Variants in PTPRT observed in about 807,000 individuals in gnomAD.
PTPRT encodes the protein receptor-type tyrosine-protein phosphatase T.
A neutral mutation model predicts 176.8 loss-of-function variants in PTPRT; 56 were observed. The observed-to-expected ratio is 0.32, with a 90% CI of 0.26 to 0.40. PTPRT has a LOEUF of 0.40. Among genes scored for constraint, PTPRT ranks in the 10% least tolerant of loss-of-function variants. The pLI is 1.00. For missense variants in PTPRT, 1,540 were observed against 1,908.2 expected, an observed-to-expected ratio of 0.81 and a Z score of 3.60; for synonymous variants, 783 against 739.0, an observed-to-expected ratio of 1.06 and a Z score of -0.96.
chr20:42,320,022 G>A (rs1187095751), intron 11 of PTPRT, among the ~76,000 whole-genome samples: 1 of 152,124 alleles, frequency 6.6e-6, no homozygotes, highest in Non-Finnish European at 1.5e-5. Context: ...TTCTCCTCTT[G>A]TGACACCCTC....
intron 1 of PTPRT, among the ~76,000 whole-genome samples, chr20:42,944,622 G>A (rs960762924): frequency 2.6e-5 from 4 of 152,092 alleles, no homozygotes; most frequent in African/African-American, 7.2e-5. Flanking sequence ...GCCTTTGCAC[G>A]TGCTATGCCC....
chr20:42,115,960 C>T (rs1468482085), intron 21 of PTPRT: 3 of 705,294 alleles, frequency 4.3e-6, no homozygotes, highest in South Asian at 3.0e-5. Flanking sequence ...AAGCCATTCC[C>T]CAGTCGACTG....
intron 18 of PTPRT, among the ~76,000 whole-genome samples, chr20:42,135,751 C>A (rs1988342547): frequency 6.6e-6 from 1 of 152,050 alleles, no homozygotes; most frequent in Admixed American, 6.6e-5. Context: ...CTCACAGTAA[C>A]CCTGTGAGGT....
intron 23 of PTPRT, 36 bp from the exon 24 acceptor site, chr20:42,106,957 A>C (rs1165977135): frequency 1.2e-6 from 2 of 1,604,580 alleles, no homozygotes; most frequent in African/African-American, 1.3e-5. Context: ...AAGGATCTTC[A>C]TGGGGGGAAC....
At chr20:42,506,081 T>C (rs146486789) in intron 7 of PTPRT, among the ~76,000 whole-genome samples, 6 of 152,126 alleles carry the variant, frequency 3.9e-5, no homozygotes, top group Admixed American at 6.5e-5. Flanking sequence ...CCAGGCTCAA[T>C]GGGAAGAACA....
intron 9 of PTPRT, among the ~76,000 whole-genome samples, chr20:42,408,543 T>G (rs2058982618): frequency 6.6e-6 from 1 of 151,766 alleles, no homozygotes; most frequent in Non-Finnish European, 1.5e-5. Flanking sequence ...TGAAGAATGA[T>G]CACTTCAAAA....
Position 42,312,295 on chromosome 20 carries a change from C to T in PTPRT, c.2139+3428G>A, listed in dbSNP as rs762050787. 1.4e-4 allele frequency among the ~76,000 whole-genome samples: 22 copies of T among 152,210 alleles called. 1 individual carries two copies. The highest frequency in any genetic ancestry group is 1.0e-3 in the Admixed American group (16 of 15,288). On this transcript the variant is annotated intron_variant, in intron 12 of 30. Coordinates refer to ENST00000373187, the MANE Select transcript of PTPRT (RefSeq NM_007050.6). Reference sequence around the variant, plus strand: ...AATGGCTTTCTGATGTATTTGCACACGAACAACAACTTGGCTGATAAAGAA... The same window carrying T: ...AATGGCTTTCTGATGTATTTGCACATGAACAACAACTTGGCTGATAAAGAA...
intron 7 of PTPRT, among the ~76,000 whole-genome samples, chr20:42,481,805 C>CAT (rs2071390856): frequency 7.4e-6 from 1 of 135,988 alleles, no homozygotes; most frequent in Admixed American, 7.3e-5. Flanking sequence ...CACACACACA[C>CAT]GCGCGCATGT....
Position 42,625,979 on chromosome 20 carries a change from T to G in PTPRT, c.1153+51887A>C, listed in dbSNP as rs1024805469. On this transcript the variant is annotated intron_variant, in intron 7 of 30. Coordinates refer to ENST00000373187, the MANE Select transcript of PTPRT (RefSeq NM_007050.6). ...ATGGAACTTTTCATCAAAATCAGAA[T>G]GGATGCCAGCAATCCATCCAAAACC... 3.8e-5 allele frequency among the ~76,000 whole-genome samples: 5 copies of G among 132,836 alleles called. No individual in the cohort carries two copies. In the South Asian group the frequency reaches 1.2e-3, roughly 32 times the overall value. 87.1% of individuals were successfully genotyped at this position (132,836 alleles called of 152,430 possible).
chr20:43,134,033 C>G (rs537149346), intron 1 of PTPRT, among the ~76,000 whole-genome samples: 9 of 152,146 alleles, frequency 5.9e-5, no homozygotes, highest in Non-Finnish European at 1.3e-4. Context: ...CCTGAACTTA[C>G]GGATCAGTCT....
intron 1 of PTPRT, among the ~76,000 whole-genome samples, chr20:43,082,813 GA>G (rs1379184243): frequency 1.3e-5 from 2 of 151,910 alleles, no homozygotes; most frequent in African/African-American, 4.8e-5. Context: ...CCTCTCTCAG[GA>G]AACAACTATC....
At chr20:42,918,758 G>C (rs1303483605) in intron 1 of PTPRT, among the ~76,000 whole-genome samples, 2 of 152,174 alleles carry the variant, frequency 1.3e-5, no homozygotes, top group East Asian at 3.9e-4. Flanking sequence ...GCTGCAATCA[G>C]GGGTCAGACA....
At chr20:42,632,262 G>A (rs368051231) in intron 7 of PTPRT, among the ~76,000 whole-genome samples, 68 of 152,140 alleles carry the variant, frequency 4.5e-4, no homozygotes, top group African/African-American at 1.4e-3. Flanking sequence ...TTTTTGAGAC[G>A]GAGTCTCACT....
intron 1 of PTPRT, among the ~76,000 whole-genome samples, chr20:43,111,734 GA>G (rs534679692): frequency 4.6e-5 from 7 of 151,702 alleles, no homozygotes; most frequent in Non-Finnish European, 1.0e-4. Context: ...TGGAAAGGAA[GA>G]AAAAAAATGG....
chr20:42,667,861 C>T (rs1350545360), intron 7 of PTPRT, among the ~76,000 whole-genome samples: 1 of 152,082 alleles, frequency 6.6e-6, no homozygotes, highest in East Asian at 1.9e-4. Flanking sequence ...GTGAAGGGCA[C>T]GCAGGGGAGA....
chr20:43,050,386 T>G (rs79440447), intron 1 of PTPRT, among the ~76,000 whole-genome samples: 11,981 of 152,294 alleles, frequency 0.079, 563 homozygotes, highest in Middle Eastern at 0.15. Flanking sequence ...GACAAAGGTC[T>G]GGCCAGCTTA....
At chr20:42,239,824 C>T (rs765955738) in intron 14 of PTPRT, among the ~76,000 whole-genome samples, 29 of 152,210 alleles carry the variant, frequency 1.9e-4, no homozygotes, top group South Asian at 6.2e-4. Context: ...GATGTCAAAA[C>T]GTTATCTCTT....
At chr20:43,100,163 A>G (rs2012335151) in intron 1 of PTPRT, among the ~76,000 whole-genome samples, 1 of 152,142 alleles carries the variant, frequency 6.6e-6, no homozygotes, top group South Asian at 2.1e-4. Context: ...ATGACTTGAG[A>G]TCAGGAGCTC....
chr20:42,974,563 A>G (rs770014684), intron 1 of PTPRT, among the ~76,000 whole-genome samples: 60 of 152,136 alleles, frequency 3.9e-4, no homozygotes, highest in Non-Finnish European at 6.5e-4. Flanking sequence ...ACACTGACTC[A>G]CAGTCGTGAG....
Sources: gnomAD v4.1 joint callset for allele counts (sites outside exome capture counted in the v4.1 genomes callset) on GRCh38, gnomAD v4.1.1 for gene constraint, MANE v1.5 for transcripts, NCBI Gene and HGNC (gene_info 2026-07-23, HGNC 2026-07-21) for gene names.